APBA1: variants seen among roughly 807,000 people sequenced by gnomAD.
APBA1 encodes amyloid beta precursor protein binding family A member 1.
Under a neutral mutation model 86.6 loss-of-function variants are expected in APBA1, and 55 were observed. That is an observed-to-expected ratio of 0.64 (90% CI 0.51 to 0.80). The LOEUF is 0.80. APBA1 is among the 30% of genes least tolerant of loss of function. The pLI is 0.00. For missense variants in APBA1, 1,090 were observed against 1,183.0 expected, an observed-to-expected ratio of 0.92 and a Z score of 1.15; for synonymous variants, 511 against 493.9, an observed-to-expected ratio of 1.03 and a Z score of -0.46.
At chr9:69,488,738 T>C (rs974790462) in intron 2 of APBA1, among the ~76,000 whole-genome samples, 5 of 152,152 alleles carry the variant, frequency 3.3e-5, no homozygotes, top group Non-Finnish European at 7.3e-5. Context: ...GTGCTTGGGA[T>C]TTGAAAGGCT....
intron 1 of APBA1, among the ~76,000 whole-genome samples, chr9:69,533,705 A>C (rs1361906708): frequency 6.6e-6 from 1 of 152,236 alleles, no homozygotes. Flanking sequence ...CTTCTAGTCC[A>C]GGCTGTGGTC....
chr9:69,476,431 AAAATCCT>A, intron 2 of APBA1, among the ~76,000 whole-genome samples: 1 of 152,362 alleles, frequency 6.6e-6, no homozygotes, highest in Admixed American at 6.5e-5. Context: ...TTGAAATTAA[AAAATCCT>A]AAATGAATTG....
intron 1 of APBA1, among the ~76,000 whole-genome samples, chr9:69,562,460 T>C (rs1258083886): frequency 1.3e-5 from 2 of 151,984 alleles, no homozygotes; most frequent in Non-Finnish European, 2.9e-5. Flanking sequence ...CTGCAACCTC[T>C]GCCTCCTGGG....
intron 1 of APBA1, among the ~76,000 whole-genome samples, chr9:69,580,368 C>A (rs1821890934): frequency 6.6e-6 from 1 of 152,124 alleles, no homozygotes; most frequent in Non-Finnish European, 1.5e-5. Context: ...CAAGCCCTAG[C>A]AACCTTCATA....
intron 1 of APBA1, among the ~76,000 whole-genome samples, chr9:69,596,897 C>T (rs1425812017): frequency 6.6e-6 from 1 of 152,166 alleles, no homozygotes; most frequent in African/African-American, 2.4e-5. Context: ...TGTGAAGACA[C>T]CTTGAAAAGT....
chr9:69,592,319 A>G (rs1588382496), intron 1 of APBA1, among the ~76,000 whole-genome samples: 2 of 152,350 alleles, frequency 1.3e-5, no homozygotes, highest in East Asian at 3.9e-4. Flanking sequence ...TGGACCAGAC[A>G]GAAGCAGTGG....
chr9:69,451,960 C>T (rs1449513239), intron 9 of APBA1, among the ~76,000 whole-genome samples, 162 bp downstream of exon 9: 2 of 152,170 alleles, frequency 1.3e-5, no homozygotes. Context: ...GACAGGGCCC[C>T]ACAGCAGGGA....
intron 1 of APBA1, among the ~76,000 whole-genome samples, chr9:69,668,814 C>T (rs958857058): frequency 6.6e-6 from 1 of 152,114 alleles, no homozygotes; most frequent in African/African-American, 2.4e-5. Context: ...ACTGTTCCTC[C>T]CCCAAGCATG....
chr9:69,490,484 A>T (rs1262762765), intron 2 of APBA1, among the ~76,000 whole-genome samples: 1 of 142,190 alleles, frequency 7.0e-6, no homozygotes, highest in Middle Eastern at 3.4e-3. Context: ...TAATAATAAA[A>T]TTTTTAAAAA....
At chr9:69,580,911 T>C (rs1412071483) in intron 1 of APBA1, among the ~76,000 whole-genome samples, 3 of 152,180 alleles carry the variant, frequency 2.0e-5, no homozygotes, top group African/African-American at 4.8e-5. Context: ...CTAAACTGAA[T>C]AGCTGAATTG....
chr9:69,667,838 A>G (rs1823871434), intron 1 of APBA1, among the ~76,000 whole-genome samples: 1 of 151,470 alleles, frequency 6.6e-6, no homozygotes, highest in African/African-American at 2.4e-5. Context: ...CCTCCCTTCA[A>G]CCCTTGCCCC....
chr9:69,590,568 C>T (rs1822110204), intron 1 of APBA1, among the ~76,000 whole-genome samples: 1 of 152,160 alleles, frequency 6.6e-6, no homozygotes, highest in South Asian at 2.1e-4. Context: ...TGGGCTGGCT[C>T]TCGAAGGCCT....
At chr9:69,588,038 AAAAAAGAAAG>A (rs1295890336) in intron 1 of APBA1, among the ~76,000 whole-genome samples, 92 of 151,498 alleles carry the variant, frequency 6.1e-4, no homozygotes, top group African/African-American at 2.2e-3. Flanking sequence ...AAAAAAAAAA[AAAAAAGAAAG>A]AAAAAGAAAG....
intron 1 of APBA1, among the ~76,000 whole-genome samples, chr9:69,633,410 A>G (rs1308528006): frequency 6.6e-6 from 1 of 152,196 alleles, no homozygotes; most frequent in East Asian, 1.9e-4. Flanking sequence ...TTCTATAAGC[A>G]GAAAGCAGCA....
chr9:69,471,812 G>T lies in APBA1; in HGVS notation c.1297-117C>A, dbSNP rs566973404. 66 of 809,422 alleles carry T rather than the reference G, an allele frequency of 8.2e-5. 1 individual carries two copies. In the South Asian group the frequency reaches 1.1e-3, roughly 13 times the overall value. 50.1% of individuals were successfully genotyped at this position (809,422 alleles called of 1,614,324 possible). A position where few individuals can be genotyped will look rare whatever the true frequency, so the allele number is the denominator to read the frequency against. ...TAATCAGTGGCAGTTACCAATTATT[G>T]ATCATTTTTAGTTAGAGAAAGTAAA... is the stretch of plus-strand genomic sequence containing the variant. On this transcript the variant is annotated intron_variant, in intron 3 of 12. Coordinates refer to ENST00000265381, the MANE Select transcript of APBA1 (RefSeq NM_001163.4).
At position 69,613,391 on chromosome 9, in the gene APBA1, C is replaced by A. The variant is rs553576593; in HGVS notation, c.-70+58762G>T. 1.6e-4 allele frequency among the ~76,000 whole-genome samples: 24 copies of A among 152,252 alleles called. 3 individuals carry two copies. The East Asian group carries it at 4.4e-3, about 28-fold the overall frequency. ...GCCATTTAATTTCCCTGGTTTAAGG[C>A]CGGAAATGCTATCTTCTTCATTTAA... On this transcript the variant is annotated intron_variant, in intron 1 of 12. Coordinates refer to ENST00000265381, the MANE Select transcript of APBA1 (RefSeq NM_001163.4).
chr9:69,635,454 G>T (rs1266443101), intron 1 of APBA1, among the ~76,000 whole-genome samples: 1 of 151,536 alleles, frequency 6.6e-6, no homozygotes, highest in African/African-American at 2.4e-5. Context: ...CCACAATACA[G>T]CCAGAAAAAA....
chr9:69,646,836 G>A (rs1405776011), intron 1 of APBA1, among the ~76,000 whole-genome samples: 2 of 152,296 alleles, frequency 1.3e-5, no homozygotes, highest in East Asian at 1.9e-4. Flanking sequence ...GAGGGGAATT[G>A]AAGAAGGTAA....
chr9:69,671,444 C>A (rs555878619), intron 1 of APBA1, among the ~76,000 whole-genome samples: 2 of 152,202 alleles, frequency 1.3e-5, no homozygotes, highest in South Asian at 2.1e-4. Flanking sequence ...GAAGGGGAAG[C>A]GAGAATCCCT....
Sources: allele counts gnomAD v4.1 joint callset (sites outside exome capture counted in the v4.1 genomes callset), GRCh38; gene constraint gnomAD v4.1.1; transcripts MANE v1.5; gene names NCBI Gene and HGNC (gene_info 2026-07-23, HGNC 2026-07-21).